The following CNIH3 variants were observed in gnomAD, a reference collection of about 807,000 sequenced individuals.
CNIH3 encodes cornichon family AMPA receptor auxiliary protein 3, also known as protein cornichon homolog 3.
CNIH3 carries 14 observed loss-of-function variants against 24.1 expected under a neutral mutation model. The ratio of observed to expected loss-of-function variants is 0.58; its 90% confidence interval spans 0.38 to 0.91. The LOEUF is 0.91. Ranked by LOEUF, CNIH3 falls within the 40% of genes least tolerant of loss-of-function variation. The pLI is 0.00. For missense variants in CNIH3, 178 were observed against 196.8 expected (o/e 0.90, Z 0.57); for synonymous variants, 68 against 73.8 (o/e 0.92, Z 0.40).
intron 5 of CNIH3, among the ~76,000 whole-genome samples, chr1:224,737,814 C>T (rs1031434811): frequency 2.0e-5 from 3 of 152,158 alleles, no homozygotes; most frequent in Non-Finnish European, 2.9e-5. Context: ...CTGTTTGAAC[C>T]GCATGGCACC....
rs534549098 is a variant in CNIH3, at chr1:224,733,862, C to G, written c.312-701C>G. Among the ~76,000 whole-genome samples, 22 of 152,318 alleles carry G rather than the reference C, an allele frequency of 1.4e-4. No individual in the cohort carries two copies. The South Asian group carries it at 1.5e-3, about 10-fold the overall frequency. On this transcript the variant is annotated intron_variant, in intron 4 of 5. Transcript: ENST00000272133. ...CACTTCCCAAGGGACTCAGGAGGCTCAGACTCCTGCCCCAGGTCTCACCAA... is the reference window on the plus strand; with the variant it reads ...CACTTCCCAAGGGACTCAGGAGGCTGAGACTCCTGCCCCAGGTCTCACCAA...
At chr1:224,655,236 C>T (rs1461351959) in intron 1 of CNIH3, among the ~76,000 whole-genome samples, 1 of 152,062 alleles carries the variant, frequency 6.6e-6, no homozygotes, top group East Asian at 1.9e-4. Context: ...ACTGTGAAGC[C>T]ACAGTAGCAG....
chr1:224,609,086 T>C (rs1174152278), intron 3 of CNIH3, among the ~76,000 whole-genome samples: 2 of 152,286 alleles, frequency 1.3e-5, no homozygotes, highest in Admixed American at 6.5e-5. Flanking sequence ...GACCATGACC[T>C]GATGGTTGCC....
At chr1:224,643,974 G>A (rs1057334760) in intron 1 of CNIH3, among the ~76,000 whole-genome samples, 7 of 152,172 alleles carry the variant, frequency 4.6e-5, no homozygotes, top group Admixed American at 4.6e-4. Context: ...CTGGAAGTTG[G>A]GGGTTGGCAG....
intron 1 of CNIH3, among the ~76,000 whole-genome samples, chr1:224,644,889 G>A (rs578037838): frequency 2.0e-5 from 3 of 152,300 alleles, no homozygotes; most frequent in Admixed American, 2.0e-4. Context: ...CACTGAGCTG[G>A]GGGCACTGGA....
intron 1 of CNIH3, among the ~76,000 whole-genome samples, chr1:224,660,856 G>C (rs1685318569): frequency 6.6e-6 from 1 of 152,208 alleles, no homozygotes; most frequent in South Asian, 2.1e-4. Flanking sequence ...TGGAAAAGCA[G>C]ATCCATGCTG....
chr1:224,494,229 C>T (rs1351198323), intron 1 of CNIH3, among the ~76,000 whole-genome samples: 6 of 152,160 alleles, frequency 3.9e-5, no homozygotes, highest in African/African-American at 1.4e-4. Context: ...AACATTAGAT[C>T]TTGTATAATT....
chr1:224,548,584 A>G (rs1572454944), intron 3 of CNIH3, among the ~76,000 whole-genome samples: 1 of 152,008 alleles, frequency 6.6e-6, no homozygotes, highest in East Asian at 1.9e-4. Flanking sequence ...ATTTCTAAAA[A>G]GATGTTGTTC....
intron 4 of CNIH3, among the ~76,000 whole-genome samples, chr1:224,576,914 C>G (rs1681059906): frequency 6.6e-6 from 1 of 152,066 alleles, no homozygotes; most frequent in African/African-American, 2.4e-5. Context: ...AGAAATAAAG[C>G]CAAATACAGC....
intron 1 of CNIH3, among the ~76,000 whole-genome samples, chr1:224,473,507 T>C (rs1385232772): frequency 2.6e-5 from 4 of 152,170 alleles, no homozygotes; most frequent in African/African-American, 4.8e-5. Flanking sequence ...GCTATACTTA[T>C]ATCACACAAA....
chr1:224,595,546 C>A (rs1207070772), intron 3 of CNIH3, among the ~76,000 whole-genome samples: 1 of 152,116 alleles, frequency 6.6e-6, no homozygotes. Context: ...AATTAATAAC[C>A]CTACAATAGC....
At chr1:224,620,056 G>A (rs929364697) in intron 1 of CNIH3, among the ~76,000 whole-genome samples, 11 of 152,170 alleles carry the variant, frequency 7.2e-5, no homozygotes, top group African/African-American at 2.7e-4. Flanking sequence ...TTTCTTTCAA[G>A]TCTTGTTTTT....
intron 1 of CNIH3, among the ~76,000 whole-genome samples, chr1:224,620,391 C>G (rs1286366141): frequency 6.6e-6 from 1 of 152,186 alleles, no homozygotes; most frequent in African/African-American, 2.4e-5. Context: ...AGCCTAAGCC[C>G]TTTCTCTAAC....
At chr1:224,451,275 C>G (rs1675387354) in intron 1 of CNIH3, among the ~76,000 whole-genome samples, 1 of 152,204 alleles carries the variant, frequency 6.6e-6, no homozygotes, top group African/African-American at 2.4e-5. Flanking sequence ...CAGCTTTGTT[C>G]TGACTCAGAA....
At chr1:224,738,416 AG>A (rs1689704809) in intron 5 of CNIH3, among the ~76,000 whole-genome samples, 1 of 152,146 alleles carries the variant, frequency 6.6e-6, no homozygotes, top group African/African-American at 2.4e-5. Flanking sequence ...AGGTCTGACC[AG>A]TGGTTCTCTG....
At chr1:224,467,030 CT>C (rs575119774) in intron 1 of CNIH3, among the ~76,000 whole-genome samples, 34 of 152,028 alleles carry the variant, frequency 2.2e-4, no homozygotes, top group African/African-American at 6.8e-4. Context: ...TGTAATTTAT[CT>C]TTTCATTCTC....
At chr1:224,445,906 T>C (rs1197835738) in intron 1 of CNIH3, among the ~76,000 whole-genome samples, 1 of 152,224 alleles carries the variant, frequency 6.6e-6, no homozygotes, top group African/African-American at 2.4e-5. Context: ...TCTACAACCA[T>C]TCTGTAGTTT....
intron 3 of CNIH3, among the ~76,000 whole-genome samples, chr1:224,706,775 G>A (rs766632720): frequency 7.2e-5 from 11 of 152,072 alleles, no homozygotes; most frequent in Non-Finnish European, 1.3e-4. Context: ...CCTGTCTCCT[G>A]TTTCCCTGAA....
At chr1:224,580,625 G>A (rs1206302309) in intron 4 of CNIH3, among the ~76,000 whole-genome samples, 1 of 151,976 alleles carries the variant, frequency 6.6e-6, no homozygotes, top group Non-Finnish European at 1.5e-5. Flanking sequence ...TCAGGAGATC[G>A]AGACCATCCT....
Sources: gnomAD v4.1 joint callset for allele counts (sites outside exome capture counted in the v4.1 genomes callset) on GRCh38, gnomAD v4.1.1 for gene constraint, MANE v1.5 for transcripts, NCBI Gene and HGNC (gene_info 2026-07-23, HGNC 2026-07-21) for gene names.